The following ERLIN1 variants were observed in gnomAD, a reference collection of about 807,000 sequenced individuals.
The protein encoded by ERLIN1 is ER lipid raft associated 1, also known as erlin-1.
A neutral mutation model predicts 46.9 loss-of-function variants in ERLIN1; 24 were observed. The ratio of observed to expected loss-of-function variants is 0.51; its 90% CI spans 0.37 to 0.72. The LOEUF is 0.72. Ranked by LOEUF, ERLIN1 falls within the 30% of genes least tolerant of loss-of-function variation. The probability of loss-of-function intolerance (pLI) is 0.00; values close to 1 mark genes in which losing one functional copy is unlikely to be tolerated. For synonymous variants in ERLIN1, 158 were observed against 143.2 expected (o/e 1.10, Z -0.74); for missense variants, 293 against 417.9 (o/e 0.70, Z 2.61).
At chr10:100,185,482 T>C (rs1225554614) in intron 1 of ERLIN1, 32 bp downstream of exon 1, 2 of 1,521,192 alleles carry the variant, frequency 1.3e-6, no homozygotes, top group South Asian at 1.1e-5. Flanking sequence ...TAATCTGCTC[T>C]AGAGCCCTAA....
rs1352544514 is a variant in ERLIN1, at chr10:100,151,634, T to G, written c.*497A>C. The G allele has an allele frequency of 5.2e-6, 1 of 190,670 alleles. No individual in the cohort carries two copies. Among genetic ancestry groups the G allele is most frequent in the East Asian group, 1.3e-4 (1 of 7,896 alleles). 11.8% of individuals were successfully genotyped at this position (190,670 alleles called of 1,614,324 possible). On this transcript the variant is annotated 3_prime_UTR_variant, in exon 11 of 11. Transcript: ENST00000421367. ...CATTTCCTGGGGAACTTCAGCGGCC[T>G]GGATCTTAATCACATGGATGAAGGC... is the stretch of plus-strand genomic sequence containing the variant.
chr10:100,178,119 G>C lies in ERLIN1; in HGVS notation c.304+14C>G. 1 of 1,533,898 alleles carries C rather than the reference G, an allele frequency of 6.5e-7. No individual in the cohort carries two copies. The highest frequency in any genetic ancestry group is 8.9e-7 in the Non-Finnish European group (1 of 1,122,034). Reference sequence around the variant, plus strand: ...GCTATAACTATAAAAACCACAGGTAGATGGGTAACATACCTGCATAAGGAG... The same window carrying C: ...GCTATAACTATAAAAACCACAGGTACATGGGTAACATACCTGCATAAGGAG... On this transcript the variant is annotated intron_variant, in intron 4 of 10. Transcript: ENST00000421367.
At chr10:100,157,504 G>A (rs538908050) in intron 8 of ERLIN1, among the ~76,000 whole-genome samples, 2 of 152,144 alleles carry the variant, frequency 1.3e-5, no homozygotes, top group East Asian at 3.9e-4. Flanking sequence ...AAAGAAGATG[G>A]GTATTTTAGG....
chr10:100,153,759 T>C, intron 10 of ERLIN1, among the ~76,000 whole-genome samples: 1 of 152,230 alleles, frequency 6.6e-6, no homozygotes, highest in East Asian at 1.9e-4. Context: ...TAGACCTCAA[T>C]GGCAAGGTCT....
intron 10 of ERLIN1, 83 bp downstream of exon 10, chr10:100,154,777 A>G (rs969729280): frequency 1.9e-6 from 2 of 1,048,152 alleles, no homozygotes; most frequent in African/African-American, 3.2e-5. Flanking sequence ...GGATAAAATC[A>G]CTTCTATCAT....
At chr10:100,176,509 G>A (rs919958648) in intron 4 of ERLIN1, among the ~76,000 whole-genome samples, 60 of 152,158 alleles carry the variant, frequency 3.9e-4, no homozygotes, top group African/African-American at 1.0e-3. Flanking sequence ...GAGAGACTAG[G>A]CAAACTGAGG....
chr10:100,183,650 C>T (rs1844788105), intron 2 of ERLIN1, 106 bp downstream of exon 2: 2 of 676,422 alleles, frequency 3.0e-6, no homozygotes, highest in Admixed American at 5.4e-5. Flanking sequence ...TAAGTAAATA[C>T]CACCATCTGC....
At chr10:100,160,173 C>G (rs1843287873) in intron 8 of ERLIN1, among the ~76,000 whole-genome samples, 1 of 151,704 alleles carries the variant, frequency 6.6e-6, no homozygotes, top group African/African-American at 2.4e-5. Context: ...ATATAATTAC[C>G]AAAACTGGCT....
Position 100,185,574 on chromosome 10 carries a change from G to A in ERLIN1, c.53C>T (p.Ala18Val). 2.5e-6 allele frequency: 4 copies of A among 1,614,012 alleles called. No individual in the cohort carries two copies. The highest frequency in any genetic ancestry group is 3.4e-6 in the Non-Finnish European group (4 of 1,179,874). The change falls in exon 1 of 11, where the codon GCT becomes GTT. Residue 18 changes from alanine (A) to valine (V), a missense_variant. By Grantham distance (64) the Ala-to-Val change is moderately conservative (BLOSUM62 0). Coordinates refer to ENST00000421367, the MANE Select transcript of ERLIN1 (RefSeq NM_006459.4). Reference protein sequence around the residue: ...VLVAAVVGLVAVLLYASIHKI... With the variant: ...VLVAAVVGLVVVLLYASIHKI... ...GTGGATGGAGGCGTAGAGCAGGACA[G>A]CCACCAACCCCACCACTGCAGCCAC...
Position 100,167,410 on chromosome 10 carries a change from A to G in ERLIN1, c.505-4T>C. 6.2e-7 allele frequency: 1 copy of G among 1,610,296 alleles called. No individual in the cohort carries two copies. The highest frequency in any genetic ancestry group is 2.2e-5 in the East Asian group (1 of 44,832). On this transcript the variant is annotated splice_polypyrimidine_tract_variant and splice_region_variant and intron_variant, in intron 6 of 10. Transcript: ENST00000421367. ...TGGGTTTTGTAACACGCACAGCCTA[A>G]AAAATAAAAGTGAAAAAGCCAAAGT...
intron 6 of ERLIN1, 140 bp downstream of exon 6, chr10:100,174,068 T>C (rs9787472): frequency 6.4e-6 from 4 of 624,634 alleles, no homozygotes; most frequent in African/African-American, 1.8e-5. Context: ...TTGGCAGAGA[T>C]CTAAAGTCAA....
rs763208878 is a variant in ERLIN1 at position 100,182,155 on chromosome 10, C to G, written c.195+1601G>C. Among the ~76,000 whole-genome samples the G allele has an allele frequency of 4.3e-4, 65 of 150,440 alleles. 1 individual carries two copies. The highest frequency in any genetic ancestry group is 7.9e-4 in the Admixed American group (12 of 15,098). On this transcript the variant is annotated intron_variant, in intron 2 of 10. Coordinates refer to ENST00000421367, the MANE Select transcript of ERLIN1 (RefSeq NM_006459.4). ...AGCATGAAGGCAGAGACAGATCTAC[C>G]TGGTTTTGAACAAGATCTATTTGTT...
intron 8 of ERLIN1, among the ~76,000 whole-genome samples, 167 bp from the exon 9 acceptor site, chr10:100,156,401 G>T (rs1843083935): frequency 1.3e-5 from 2 of 152,226 alleles, no homozygotes; most frequent in African/African-American, 4.8e-5. Flanking sequence ...AAGGAAAAAA[G>T]GGAATTTATT....
chr10:100,172,661 C>T (rs1459462411), intron 6 of ERLIN1, among the ~76,000 whole-genome samples: 1 of 152,186 alleles, frequency 6.6e-6, no homozygotes, highest in East Asian at 1.9e-4. Flanking sequence ...ATCAGTATGT[C>T]TGATTGCTTC....
intron 8 of ERLIN1, among the ~76,000 whole-genome samples, chr10:100,163,595 C>T (rs1843476014): frequency 1.3e-5 from 2 of 152,178 alleles, no homozygotes. Flanking sequence ...TCCTGCCATG[C>T]TTTCATAAAC....
chr10:100,153,658 A>G (rs1182781529), intron 10 of ERLIN1, among the ~76,000 whole-genome samples: 2 of 152,186 alleles, frequency 1.3e-5, no homozygotes, highest in African/African-American at 4.8e-5. Context: ...GTGCACAACC[A>G]CATTTCTTCC....
At chr10:100,156,313 G>T in intron 8 of ERLIN1, 79 bp from the exon 9 acceptor site, 2 of 820,068 alleles carry the variant, frequency 2.4e-6, no homozygotes, top group Admixed American at 2.1e-5. Context: ...GCAGCACACA[G>T]TCTAACATTT....
intron 2 of ERLIN1, among the ~76,000 whole-genome samples, chr10:100,181,745 C>G (rs1353649215): frequency 2.0e-5 from 3 of 152,104 alleles, no homozygotes; most frequent in Non-Finnish European, 4.4e-5. Context: ...AACTCCTGAC[C>G]TCAAGTGATC....
intron 2 of ERLIN1, among the ~76,000 whole-genome samples, chr10:100,181,619 A>G (rs1474247195): frequency 6.7e-6 from 1 of 149,348 alleles, no homozygotes; most frequent in Admixed American, 6.7e-5. Flanking sequence ...GGTTCAAGCG[A>G]TTCTCCTGCC....
Sources: gnomAD v4.1 joint callset for allele counts (sites outside exome capture counted in the v4.1 genomes callset) on GRCh38, gnomAD v4.1.1 for gene constraint, MANE v1.5 for transcripts, NCBI Gene and HGNC (gene_info 2026-07-23, HGNC 2026-07-21) for gene names.